PRTFDC1: variants seen among roughly 807,000 people sequenced by gnomAD.
PRTFDC1 encodes the protein phosphoribosyl transferase domain containing 1, also known as phosphoribosyltransferase domain-containing protein 1.
PRTFDC1 carries 38 observed loss-of-function variants against 34.6 expected under a neutral mutation model. The ratio of observed to expected loss-of-function variants is 1.10; its 90% CI spans 0.85 to 1.44. PRTFDC1 has a LOEUF of 1.44. Ranked by LOEUF, PRTFDC1 falls within the 40% of genes most tolerant of loss-of-function variation. The probability of loss-of-function intolerance (pLI) is 0.00; values close to 1 mark genes in which losing one functional copy is unlikely to be tolerated. For missense variants in PRTFDC1, 270 were observed against 283.0 expected, an observed-to-expected ratio of 0.95 and a Z score of 0.33; for synonymous variants, 93 against 98.1, an observed-to-expected ratio of 0.95 and a Z score of 0.31.
At chr10:24,951,552 T>C (rs1849345258) in intron 1 of PRTFDC1, 3 of 985,252 alleles carry the variant, frequency 3.0e-6, no homozygotes, top group Non-Finnish European at 3.6e-6. Context: ...CCCACTTACT[T>C]TAGTTCAGGC....
intron 3 of PRTFDC1, among the ~76,000 whole-genome samples, chr10:24,921,675 A>G (rs1848790753): frequency 6.9e-6 from 1 of 144,602 alleles, no homozygotes; most frequent in Non-Finnish European, 1.5e-5. Context: ...TTATTCTCCT[A>G]TTTGTCAATG....
chr10:24,875,152 A>G (rs955521520), intron 3 of PRTFDC1, among the ~76,000 whole-genome samples: 1 of 152,202 alleles, frequency 6.6e-6, no homozygotes, highest in African/African-American at 2.4e-5. Context: ...GGACTAATAC[A>G]ATATTTATGA....
chr10:24,848,884 T>C lies in PRTFDC1; in HGVS notation c.*960A>G, dbSNP rs1847434565. On this transcript the variant is annotated 3_prime_UTR_variant, in exon 9 of 9. Transcript: ENST00000320152. ...AACTTTCTTGAGTGTGCTTGTTTCC[T>C]GTAGCACCTTGGATTTTGTGATCAG... 1 of 152,230 alleles carries C rather than the reference T, an allele frequency of 6.6e-6. No individual in the cohort carries two copies. The highest frequency in any genetic ancestry group is 6.5e-5 in the Admixed American group (1 of 15,286). The allele number at this position is 152,230 out of a possible 1,614,324, so 9.4% of individuals were successfully genotyped here.
At chr10:24,849,974 C>T (rs759202112) in intron 8 of PRTFDC1, 83 bp from the exon 9 acceptor site, 43 of 1,289,758 alleles carry the variant, frequency 3.3e-5, no homozygotes, top group Non-Finnish European at 4.5e-5. Context: ...TAACCGAATG[C>T]CATCCTGTAA....
chr10:24,890,099 G>C (rs1031131368), intron 3 of PRTFDC1, among the ~76,000 whole-genome samples: 2 of 152,210 alleles, frequency 1.3e-5, no homozygotes, highest in Admixed American at 1.3e-4. Context: ...GAAGTTCCAG[G>C]ACCCCTAAGG....
intron 3 of PRTFDC1, among the ~76,000 whole-genome samples, chr10:24,931,093 G>A (rs1848964646): frequency 6.6e-6 from 1 of 151,956 alleles, no homozygotes; most frequent in African/African-American, 2.4e-5. Flanking sequence ...AAACAATACA[G>A]GAATTATGTA....
intron 3 of PRTFDC1, among the ~76,000 whole-genome samples, chr10:24,902,118 C>T (rs963841614): frequency 3.9e-5 from 6 of 152,204 alleles, no homozygotes; most frequent in African/African-American, 1.2e-4. Context: ...AAGAAGGAAA[C>T]TGATGGCTCA....
At chr10:24,905,604 T>C (rs574991160) in intron 3 of PRTFDC1, among the ~76,000 whole-genome samples, 62 of 152,184 alleles carry the variant, frequency 4.1e-4, no homozygotes, top group African/African-American at 1.5e-3. Flanking sequence ...TGAGCCACCT[T>C]GCCAAGCCAA....
In PRTFDC1 at chr10:24,858,422, A is replaced by G. The variant is rs773905290; in HGVS notation, c.406-13T>C. ...CAATGAGAACATTCTGAAATAAACA[A>G]AACCCATATTTTAGAATGTGATGCC... is the stretch of plus-strand genomic sequence containing the variant. On this transcript the variant is annotated splice_polypyrimidine_tract_variant and intron_variant, in intron 4 of 8. Transcript: ENST00000320152. The G allele has an allele frequency of 1.2e-6, 2 of 1,613,098 alleles. No homozygotes were observed.
chr10:24,913,041 A>G (rs981560414), intron 3 of PRTFDC1, among the ~76,000 whole-genome samples: 2 of 152,246 alleles, frequency 1.3e-5, no homozygotes, highest in African/African-American at 4.8e-5. Flanking sequence ...TTGACAATCC[A>G]GTTTAATGAA....
Position 24,852,046 on chromosome 10 carries a change from G to T in PRTFDC1, c.554-582C>A, listed in dbSNP as rs1057328283. 2.1e-4 allele frequency among the ~76,000 whole-genome samples: 32 copies of T among 152,184 alleles called. 2 individuals are homozygous for T. The highest frequency in any genetic ancestry group is 6.8e-3 in the Middle Eastern group (2 of 294). On this transcript the variant is annotated intron_variant, in intron 7 of 8. Coordinates refer to ENST00000320152, the MANE Select transcript of PRTFDC1 (RefSeq NM_020200.7). The stretch of plus-strand genomic sequence containing the variant: ...GGAGGTTGCATTAATGCTGGTCTTT[G>T]GGTTCATGATGCAGAGGATATTAAT...
chr10:24,855,455 A>G, intron 6 of PRTFDC1, 91 bp from the exon 7 acceptor site: 1 of 1,490,302 alleles, frequency 6.7e-7, no homozygotes, highest in Non-Finnish European at 9.3e-7. Flanking sequence ...TGTACTTGAA[A>G]TACATATTTT....
intron 4 of PRTFDC1, among the ~76,000 whole-genome samples, chr10:24,868,409 C>T (rs1847822318): frequency 6.6e-6 from 1 of 152,060 alleles, no homozygotes; most frequent in Non-Finnish European, 1.5e-5. Flanking sequence ...GGTGTGTTTC[C>T]TGGGAACAAA....
rs1480504347 is a variant in PRTFDC1 at position 24,851,460 on chromosome 10, A to G, written c.558T>C (p.Ala186=). 6.2e-7 allele frequency: 1 copy of G among 1,609,680 alleles called. No homozygotes were observed. Among genetic ancestry groups the G allele is most frequent in the Non-Finnish European group, 8.5e-7 (1 of 1,179,382 alleles). Reference sequence around the variant, plus strand: ...CAAATAAGTTTGGAATCTCAAATCCAGCATCTTAGCAGACAGAGAAAGAGA... The same window carrying G: ...CAAATAAGTTTGGAATCTCAAATCCGGCATCTTAGCAGACAGAGAAAGAGA... ...SRSDGFRPDY[A]GFEIPNLFVV... is the part of the protein sequence containing the mutation. The change falls in exon 8 of 9, where the codon GCT becomes GCC. Residue 186 remains alanine (A), a synonymous_variant. Coordinates refer to ENST00000320152, the MANE Select transcript of PRTFDC1 (RefSeq NM_020200.7).
Position 24,914,321 on chromosome 10 carries a change from T to C in PRTFDC1, c.339+22863A>G, listed in dbSNP as rs190666370. 3.0e-3 allele frequency among the ~76,000 whole-genome samples: 454 copies of C among 152,194 alleles called. 5 individuals carry two copies. Among genetic ancestry groups the C allele is most frequent in the Non-Finnish European group, 1.4e-3 (92 of 68,004 alleles). On this transcript the variant is annotated intron_variant, in intron 3 of 8. Coordinates refer to ENST00000320152, the MANE Select transcript of PRTFDC1 (RefSeq NM_020200.7). The stretch of plus-strand genomic sequence containing the variant: ...AGTTACTATGAAAATAAAAAGAGAG[T>C]CATAGTGTACTCTCAAAAAATTATT...
At chr10:24,853,918 CA>C (rs1313880293) in intron 7 of PRTFDC1, among the ~76,000 whole-genome samples, 2 of 152,150 alleles carry the variant, frequency 1.3e-5, no homozygotes, top group African/African-American at 4.8e-5. Context: ...TGACTGAAAC[CA>C]GATTGCCTGG....
intron 3 of PRTFDC1, among the ~76,000 whole-genome samples, chr10:24,901,495 C>T (rs889354599): frequency 6.6e-6 from 1 of 152,026 alleles, no homozygotes; most frequent in Non-Finnish European, 1.5e-5. Context: ...GAGGCCAAAG[C>T]GAGAGAATTG....
intron 3 of PRTFDC1, among the ~76,000 whole-genome samples, chr10:24,931,505 A>G (rs1349022830): frequency 6.6e-6 from 1 of 152,054 alleles, no homozygotes; most frequent in African/African-American, 2.4e-5. Flanking sequence ...AGAAAAGGAA[A>G]GAGACAGAAG....
chr10:24,906,301 C>T (rs1848534242), intron 3 of PRTFDC1, among the ~76,000 whole-genome samples: 1 of 152,222 alleles, frequency 6.6e-6, no homozygotes, highest in South Asian at 2.1e-4. Context: ...TGTCTCCATG[C>T]TTTGTGCTTG....
Sources: gnomAD v4.1 joint callset for allele counts (sites outside exome capture counted in the v4.1 genomes callset) on GRCh38, gnomAD v4.1.1 for gene constraint, MANE v1.5 for transcripts, NCBI Gene and HGNC (gene_info 2026-07-23, HGNC 2026-07-21) for gene names.